Variants in FAM209A observed in about 807,000 individuals in gnomAD.
FAM209A encodes the protein family with sequence similarity 209 member A, also known as protein FAM209A.
In FAM209A, 4 loss-of-function variants were observed where a neutral mutation model predicts 9.8. The ratio of observed to expected loss-of-function variants is 0.41; its 90% confidence interval spans 0.20 to 0.94. The LOEUF (loss-of-function observed/expected upper bound fraction) is 0.94, where lower values mean the gene tolerates loss of function less well. Among genes scored for constraint, FAM209A ranks in the 40% least tolerant of loss-of-function variants. The pLI is 0.32. For synonymous variants in FAM209A, 55 were observed against 77.8 expected (o/e 0.71, Z 1.54); for missense variants, 205 against 209.4 (o/e 0.98, Z 0.13).
At chr20:56,529,408 T>A (rs1250987120), downstream of FAM209A, among the ~76,000 whole-genome samples, 1 of 151,866 alleles carries the variant, frequency 6.6e-6, no homozygotes, top group Non-Finnish European at 1.5e-5. Context: ...TCCCAGCTAC[T>A]TGGGAGGCTG....
chr20:56,530,960 T>C (rs369517313), downstream of FAM209A, among the ~76,000 whole-genome samples: 4 of 152,184 alleles, frequency 2.6e-5, no homozygotes, highest in African/African-American at 7.2e-5. Flanking sequence ...CTCAGGAAGA[T>C]AGCTCTACAG....
chr20:56,530,597 A>G (rs1294056536), downstream of FAM209A, among the ~76,000 whole-genome samples: 4 of 152,020 alleles, frequency 2.6e-5, no homozygotes, highest in Non-Finnish European at 5.9e-5. Flanking sequence ...CCTGGGCTCA[A>G]GCGATTCTCC....
chr20:56,528,367 C>T (rs1435492523), downstream of FAM209A, among the ~76,000 whole-genome samples: 4 of 136,146 alleles, frequency 2.9e-5, no homozygotes, highest in African/African-American at 1.1e-4. Flanking sequence ...TTGGGGAAGG[C>T]AGATCACTTG....
chr20:56,530,092 CCATCCATCCATCCATT>C (rs981432026), downstream of FAM209A, among the ~76,000 whole-genome samples: 2 of 151,320 alleles, frequency 1.3e-5, no homozygotes, highest in African/African-American at 4.9e-5. Context: ...AACCATCCAC[CCATCCATCCATCCATT>C]CATCCATCCA....
downstream of FAM209A, among the ~76,000 whole-genome samples, chr20:56,526,455 T>C (rs1600847978): frequency 6.6e-6 from 1 of 152,134 alleles, no homozygotes; most frequent in South Asian, 2.1e-4. Context: ...CTTTTTATCT[T>C]TGATTTATTA....
At position 56,525,849 on chromosome 20, in the gene FAM209A, T is replaced by C. The variant is rs1054345; in HGVS notation, c.295T>C (p.Leu99=). The C allele has an allele frequency of 6.2e-7, 1 of 1,614,098 alleles. No individual in the cohort carries two copies. Reference sequence around the variant, plus strand: ...TCGAGGCGGCCAACTTCACTCTCCATTAAAGAAAAAAAGAAATGCTTCCCC... The same window carrying C: ...TCGAGGCGGCCAACTTCACTCTCCACTAAAGAAAAAAAGAAATGCTTCCCC... The part of the protein sequence containing the change: ...GLRGGQLHSP[L]KKKRNASPNK... Residue 99 remains leucine (L), a synonymous_variant, in exon 2 of 2, where the codon TTA becomes CTA. Transcript: ENST00000371328.
At chr20:56,532,211 G>A in the FAM209A span, among the ~76,000 whole-genome samples, 1 of 151,722 alleles carries the variant, frequency 6.6e-6, no homozygotes, top group Non-Finnish European at 1.5e-5. Context: ...CTGACCTTGG[G>A]TGATCTGCCT....
At chr20:56,525,703 A>G (rs996088495) in intron 1 of FAM209A, 101 bp from the exon 2 acceptor site, 13 of 1,211,756 alleles carry the variant, frequency 1.1e-5, no homozygotes, top group Admixed American at 2.1e-5. Context: ...TGTGGGCAGT[A>G]TGGTCTTCTT....
At chr20:56,525,714 G>T in intron 1 of FAM209A, 90 bp from the exon 2 acceptor site, 2 of 1,344,674 alleles carry the variant, frequency 1.5e-6, no homozygotes, top group Non-Finnish European at 1.0e-6. Flanking sequence ...TGGTCTTCTT[G>T]CAACTACTCA....
chr20:56,531,974 C>CTTTTTTTTTTTTTTTTTTTTT, the FAM209A span, among the ~76,000 whole-genome samples: 3 of 113,036 alleles, frequency 2.7e-5, no homozygotes, highest in Admixed American at 9.4e-5. Context: ...CTTTTCTTTT[C>CTTTTTTTTTTTTTTTTTTTTT]TTTTTTTTTT....
Position 56,525,825 on chromosome 20 carries a change from C to G in FAM209A, c.271C>G (p.Arg91Gly), listed in dbSNP as rs368902169. ...KNKEQSPPGL[R>G]GGQLHSPLKK... is the part of the protein sequence containing the mutation. ...ACAGGAGCAGAGTCCTCCTGGCCTT[C>G]GAGGCGGCCAACTTCACTCTCCATT... The change falls in exon 2 of 2, where the codon CGA becomes GGA. Residue 91 changes from arginine (R) to glycine (G), a missense_variant. Physicochemically the swap from Arg to Gly is moderately radical, Grantham distance 125 (BLOSUM62 -2). Coordinates refer to ENST00000371328, the MANE Select transcript of FAM209A (RefSeq NM_001012971.4). The G allele has an allele frequency of 2.5e-6, 4 of 1,613,942 alleles. No individual in the cohort carries two copies. In the African/African-American group the frequency reaches 4.0e-5, roughly 16 times the overall value.
At position 56,524,865 on chromosome 20, in the gene FAM209A, C is replaced by G; in HGVS notation, c.57C>G (p.Ala19=). 11 of 1,614,194 alleles carry G rather than the reference C, an allele frequency of 6.8e-6. No individual in the cohort carries two copies. The highest frequency in any genetic ancestry group is 8.5e-6 in the Non-Finnish European group (10 of 1,180,038). ...VLLLCLTCSY[A]FMFSSLRQKT... ...TTCTGTGCCTCACCTGCAGCTATGC[C>G]TTTATGTTCTCTTCTCTGAGACAGA... The change falls in exon 1 of 2, where the codon GCC becomes GCG. Residue 19 remains alanine (A), a synonymous_variant. Coordinates refer to ENST00000371328, the MANE Select transcript of FAM209A (RefSeq NM_001012971.4).
downstream of FAM209A, among the ~76,000 whole-genome samples, chr20:56,530,862 C>T (rs1308815774): frequency 6.6e-6 from 1 of 152,028 alleles, no homozygotes; most frequent in East Asian, 1.9e-4. Flanking sequence ...ATTTAAGGCA[C>T]AGCGAGGGTG....
chr20:56,529,328 C>T (rs936418007), downstream of FAM209A, among the ~76,000 whole-genome samples: 1 of 151,914 alleles, frequency 6.6e-6, no homozygotes, highest in Non-Finnish European at 1.5e-5. Context: ...ACCACCCTGG[C>T]CAACAAGGTG....
the FAM209A span, among the ~76,000 whole-genome samples, chr20:56,531,978 T>TC: frequency 0.014 from 1,874 of 136,216 alleles, 44 homozygotes; most frequent in African/African-American, 0.048. Context: ...TCTTTTCTTT[T>TC]TTTTTTTTTT....
In FAM209A at chr20:56,525,873, C is replaced by T. The variant is rs112172378; in HGVS notation, c.319C>T (p.Pro107Ser). The part of the protein sequence containing the change: ...SPLKKKRNAS[P>S]NKDCAFNTLM... ...ATTAAAGAAAAAAAGAAATGCTTCCCCCAACAAAGACTGTGCATTCAATAC... is the reference window on the plus strand; with the variant it reads ...ATTAAAGAAAAAAAGAAATGCTTCCTCCAACAAAGACTGTGCATTCAATAC... The change falls in exon 2 of 2, where the codon CCC becomes TCC. Residue 107 changes from proline to serine, a missense_variant. By Grantham distance (74) the Pro-to-Ser change is moderately conservative. Transcript: ENST00000371328. The T allele has an allele frequency of 5.6e-5, 90 of 1,614,172 alleles. 1 individual carries two copies. The Admixed American group carries it at 7.3e-4, about 13-fold the overall frequency.
At chr20:56,530,305 G>A (rs931549701), downstream of FAM209A, among the ~76,000 whole-genome samples, 16 of 152,330 alleles carry the variant, frequency 1.1e-4, no homozygotes, top group African/African-American at 3.6e-4. Flanking sequence ...TCAGGACAAA[G>A]GGAAGAGTTT....
chr20:56,526,894 C>T (rs916696047), downstream of FAM209A, among the ~76,000 whole-genome samples: 3 of 152,108 alleles, frequency 2.0e-5, no homozygotes, highest in Non-Finnish European at 4.4e-5. Flanking sequence ...TAGTGAGACC[C>T]CATCTCTATT....
At chr20:56,528,113 A>G (rs1985615321), downstream of FAM209A, among the ~76,000 whole-genome samples, 2 of 151,726 alleles carry the variant, frequency 1.3e-5, no homozygotes, top group Non-Finnish European at 2.9e-5. Flanking sequence ...TCTCAAAAAA[A>G]TAAATAAATA....
Sources: allele counts gnomAD v4.1 joint callset (sites outside exome capture counted in the v4.1 genomes callset), GRCh38; gene constraint gnomAD v4.1.1; transcripts MANE v1.5; gene names NCBI Gene and HGNC (gene_info 2026-07-23, HGNC 2026-07-21).